Variants in EFNA5 observed in about 807,000 individuals in gnomAD.
The protein encoded by EFNA5 is ephrin-A5.
Under a neutral mutation model 22.9 loss-of-function variants are expected in EFNA5, and 5 were observed. The observed-to-expected ratio is 0.22, with a 90% CI of 0.11 to 0.46. EFNA5 has a LOEUF of 0.46. Ranked by LOEUF, EFNA5 falls within the 20% of genes least tolerant of loss-of-function variation. The pLI, the probability that EFNA5 is intolerant of heterozygous loss-of-function variation, is 0.99. For synonymous variants in EFNA5, 113 were observed against 112.2 expected, an observed-to-expected ratio of 1.01 and a Z score of -0.04; for missense variants, 237 against 293.3, an observed-to-expected ratio of 0.81 and a Z score of 1.40.
chr5:107,386,751 G>A (rs1747635482), intron 4 of EFNA5, among the ~76,000 whole-genome samples: 1 of 152,120 alleles, frequency 6.6e-6, no homozygotes, highest in South Asian at 2.1e-4. Flanking sequence ...TCAGTTCAAT[G>A]ATGCATGTAA....
chr5:107,474,917 A>G (rs986172622), intron 1 of EFNA5, among the ~76,000 whole-genome samples: 10 of 152,238 alleles, frequency 6.6e-5, no homozygotes, highest in African/African-American at 2.2e-4. Context: ...CAAGGCCTAT[A>G]CAATTTACAT....
intron 1 of EFNA5, among the ~76,000 whole-genome samples, chr5:107,435,825 G>A (rs1749096729): frequency 6.6e-6 from 1 of 152,168 alleles, no homozygotes; most frequent in South Asian, 2.1e-4. Flanking sequence ...ATTAATGAAA[G>A]TTCCAACAGA....
intron 1 of EFNA5, among the ~76,000 whole-genome samples, chr5:107,546,663 C>CACACACACACAA (rs1748164482): frequency 4.1e-5 from 5 of 122,720 alleles, no homozygotes; most frequent in Admixed American, 1.7e-4. Context: ...CACACACACA[C>CACACACACACAA]ACACACACAC....
chr5:107,568,624 T>C (rs1047724057), intron 1 of EFNA5, among the ~76,000 whole-genome samples: 3 of 152,204 alleles, frequency 2.0e-5, no homozygotes, highest in African/African-American at 7.2e-5. Context: ...GTCAGGAACA[T>C]GCAGTGAGGC....
intron 2 of EFNA5, among the ~76,000 whole-genome samples, chr5:107,407,274 A>C (rs557041631): frequency 4.6e-5 from 7 of 152,278 alleles, no homozygotes; most frequent in Middle Eastern, 3.4e-3. Flanking sequence ...GATTAGCCCG[A>C]AAACGTCTAA....
chr5:107,479,677 C>A (rs995621425), intron 1 of EFNA5, among the ~76,000 whole-genome samples: 20 of 152,102 alleles, frequency 1.3e-4, no homozygotes, highest in Non-Finnish European at 2.9e-4. Context: ...TATGCAAATT[C>A]CAATTAAAAC....
At chr5:107,539,375 G>A (rs1747996361) in intron 1 of EFNA5, among the ~76,000 whole-genome samples, 1 of 152,204 alleles carries the variant, frequency 6.6e-6, no homozygotes, top group African/African-American at 2.4e-5. Context: ...GGGTAATAGT[G>A]CTTAATCCAT....
intron 1 of EFNA5, among the ~76,000 whole-genome samples, chr5:107,656,922 C>T (rs746506876): frequency 9.2e-5 from 14 of 152,154 alleles, no homozygotes; most frequent in South Asian, 2.1e-4. Context: ...TAATATCTTA[C>T]TTTCTGAGTC....
At position 107,437,890 on chromosome 5, in the gene EFNA5, G is replaced by A. The variant is rs372473224; in HGVS notation, c.126-10381C>T. 3.3e-5 allele frequency among the ~76,000 whole-genome samples: 5 copies of A among 152,312 alleles called. No individual in the cohort carries two copies. The South Asian group carries it at 6.2e-4, about 19-fold the overall frequency. The stretch of plus-strand genomic sequence containing the variant: ...AAAAAGGAAAATGATAACCAGGACT[G>A]TTGTTCAAGCAATGCTAGAAAATTA... On this transcript the variant is annotated intron_variant, in intron 1 of 4. Coordinates refer to ENST00000333274, the MANE Select transcript of EFNA5 (RefSeq NM_001962.3).
At chr5:107,628,993 G>T (rs962067964) in intron 1 of EFNA5, among the ~76,000 whole-genome samples, 4 of 152,112 alleles carry the variant, frequency 2.6e-5, no homozygotes, top group African/African-American at 9.6e-5. Context: ...AGTTTCTTCG[G>T]CATCCTAAGT....
chr5:107,556,795 AAAAT>A (rs988709129), intron 1 of EFNA5, among the ~76,000 whole-genome samples: 1 of 147,494 alleles, frequency 6.8e-6, no homozygotes, highest in Non-Finnish European at 1.5e-5. Context: ...TAAATAAAAT[AAAAT>A]AAATAACTAT....
intron 1 of EFNA5, among the ~76,000 whole-genome samples, chr5:107,464,158 C>A (rs1749911341): frequency 6.6e-6 from 1 of 152,146 alleles, no homozygotes; most frequent in African/African-American, 2.4e-5. Flanking sequence ...CCCCTAACCT[C>A]CTAACCTCTG....
intron 1 of EFNA5, among the ~76,000 whole-genome samples, chr5:107,511,119 C>G (rs751342642): frequency 6.6e-6 from 1 of 151,836 alleles, no homozygotes. Flanking sequence ...CTCTGCCTCC[C>G]AGGTTCAAGT....
chr5:107,422,272 A>G (rs1034660984), intron 2 of EFNA5, among the ~76,000 whole-genome samples: 1 of 152,234 alleles, frequency 6.6e-6, no homozygotes, highest in Admixed American at 6.5e-5. Context: ...TACATGCTAT[A>G]TAAATTCTAG....
At chr5:107,452,744 A>G (rs1167726144) in intron 1 of EFNA5, among the ~76,000 whole-genome samples, 3 of 152,114 alleles carry the variant, frequency 2.0e-5, no homozygotes, top group Non-Finnish European at 4.4e-5. Context: ...AAATTTTTGA[A>G]AACTCTTGTA....
chr5:107,583,370 T>C lies in EFNA5; in HGVS notation c.125+87119A>G, dbSNP rs182593649. Among the ~76,000 whole-genome samples, 55 of 152,260 alleles carry C rather than the reference T, an allele frequency of 3.6e-4. 1 individual carries two copies. Among genetic ancestry groups the C allele is most frequent in the African/African-American group, 1.0e-3 (42 of 41,552 alleles). On this transcript the variant is annotated intron_variant, in intron 1 of 4. Coordinates refer to ENST00000333274, the MANE Select transcript of EFNA5 (RefSeq NM_001962.3). The stretch of plus-strand genomic sequence containing the variant: ...TACCTGGAAAAAGAAAATATGAAAA[T>C]ATCAGGTTTAATGGCATAGTAATAA...
chr5:107,598,548 G>C (rs1302946959), intron 1 of EFNA5, among the ~76,000 whole-genome samples: 1 of 152,132 alleles, frequency 6.6e-6, no homozygotes, highest in African/African-American at 2.4e-5. Context: ...CAATGAAACA[G>C]AATTATTTAC....
intron 2 of EFNA5, chr5:107,388,460 A>G (rs1421754417): frequency 2.0e-5 from 3 of 152,048 alleles, no homozygotes; most frequent in African/African-American, 7.3e-5. Flanking sequence ...TGCCACAGAG[A>G]AGGATGGAAT....
At chr5:107,506,170 A>G (rs1747246287) in intron 1 of EFNA5, 1 of 152,304 alleles carries the variant, frequency 6.6e-6, no homozygotes, top group African/African-American at 2.4e-5. Flanking sequence ...TTCCCTCAGG[A>G]ACAGTTGTCT....
Sources: allele counts gnomAD v4.1 joint callset (sites outside exome capture counted in the v4.1 genomes callset), GRCh38; gene constraint gnomAD v4.1.1; transcripts MANE v1.5; gene names NCBI Gene and HGNC (gene_info 2026-07-23, HGNC 2026-07-21).